SLC4A8: variants seen among roughly 807,000 people sequenced by gnomAD.
SLC4A8 encodes the protein electroneutral sodium bicarbonate exchanger 1.
A neutral mutation model predicts 125.0 loss-of-function variants in SLC4A8; 40 were observed. That is an observed-to-expected ratio of 0.32 (90% CI 0.25 to 0.42). SLC4A8 has a LOEUF of 0.42. Ranked by LOEUF, SLC4A8 falls within the 10% of genes least tolerant of loss-of-function variation. The pLI is 1.00. For synonymous variants in SLC4A8, 456 were observed against 476.0 expected (o/e 0.96, Z 0.55); for missense variants, 863 against 1,355.1 (o/e 0.64, Z 5.70).
At chr12:51,408,952 TA>T (rs546760549) in intron 1 of SLC4A8, among the ~76,000 whole-genome samples, 2 of 152,106 alleles carry the variant, frequency 1.3e-5, no homozygotes, top group Non-Finnish European at 2.9e-5. Context: ...GCCCATTAAT[TA>T]AAAAAACCCT....
chr12:51,396,925 ATT>A (rs753146267), intron 1 of SLC4A8, among the ~76,000 whole-genome samples: 3 of 106,306 alleles, frequency 2.8e-5, no homozygotes, highest in African/African-American at 7.4e-5. Flanking sequence ...GCCTTAGTTA[ATT>A]TTTTTTTTTT....
intron 2 of SLC4A8, among the ~76,000 whole-genome samples, chr12:51,445,532 T>C (rs1017312590): frequency 1.1e-4 from 16 of 152,158 alleles, no homozygotes; most frequent in African/African-American, 3.9e-4. Context: ...GACCTGCCCC[T>C]GCCTGTTTTT....
At chr12:51,495,470 C>CTTTTTT (rs3028942) in intron 21 of SLC4A8, among the ~76,000 whole-genome samples, 103 of 76,240 alleles carry the variant, frequency 1.4e-3, no homozygotes, top group South Asian at 2.4e-3. Flanking sequence ...TTTCTTTCTT[C>CTTTTTT]TTTTTTTTTT....
intron 1 of SLC4A8, among the ~76,000 whole-genome samples, chr12:51,419,519 C>T (rs1662354852): frequency 6.6e-6 from 1 of 152,190 alleles, no homozygotes; most frequent in African/African-American, 2.4e-5. Flanking sequence ...GCTCTTGTAT[C>T]AAGGACTTGG....
At chr12:51,452,658 G>C (rs558168330) in intron 4 of SLC4A8, among the ~76,000 whole-genome samples, 1 of 152,278 alleles carries the variant, frequency 6.6e-6, no homozygotes, top group South Asian at 2.1e-4. Context: ...TGAACCACAG[G>C]GTTCAAATTC....
chr12:51,421,520 A>C (rs1425150541), upstream of SLC4A8, among the ~76,000 whole-genome samples: 2 of 152,184 alleles, frequency 1.3e-5, no homozygotes, highest in Non-Finnish European at 2.9e-5. Flanking sequence ...TTTGTACTGG[A>C]GAGAAGTCAG....
At chr12:51,488,571 C>CTTTTT in intron 17 of SLC4A8, 128 bp from the exon 18 acceptor site, 1 of 507,876 alleles carries the variant, frequency 2.0e-6, no homozygotes, top group Non-Finnish European at 3.3e-6. Context: ...TATTTCATGC[C>CTTTTT]TTTTTTTTTT....
At chr12:51,475,731 T>C (rs1950836106) in intron 16 of SLC4A8, among the ~76,000 whole-genome samples, 2 of 152,216 alleles carry the variant, frequency 1.3e-5, no homozygotes, top group Non-Finnish European at 1.5e-5. Context: ...ATGATGCAGA[T>C]AGCATTGTTT....
chr12:51,478,041 C>T (rs778693079), intron 16 of SLC4A8, among the ~76,000 whole-genome samples: 19 of 151,968 alleles, frequency 1.3e-4, no homozygotes, highest in Non-Finnish European at 2.2e-4. Flanking sequence ...CTTGGGAGGC[C>T]GAGATGGGCA....
At chr12:51,448,514 T>A in intron 2 of SLC4A8, among the ~76,000 whole-genome samples, 1 of 152,126 alleles carries the variant, frequency 6.6e-6, no homozygotes, top group Non-Finnish European at 1.5e-5. Flanking sequence ...CAGAAGAGTG[T>A]TTAGCACTAA....
At chr12:51,470,260 A>C in intron 12 of SLC4A8, 132 bp from the exon 13 acceptor site, 1 of 757,990 alleles carries the variant, frequency 1.3e-6, no homozygotes. Flanking sequence ...TGTACACATC[A>C]CTCTTGCTAA....
At chr12:51,425,503 G>C in intron 1 of SLC4A8, 1 of 886,514 alleles carries the variant, frequency 1.1e-6, no homozygotes, top group Non-Finnish European at 1.4e-6. Flanking sequence ...GACTCTGGAG[G>C]CTGGGACCAA....
At chr12:51,445,537 G>A (rs1331941744) in intron 2 of SLC4A8, among the ~76,000 whole-genome samples, 1 of 152,088 alleles carries the variant, frequency 6.6e-6, no homozygotes, top group Non-Finnish European at 1.5e-5. Context: ...GCCCCTGCCT[G>A]TTTTTCTGTC....
rs184554647 is a variant in SLC4A8, at chr12:51,408,634, G to A, written c.-112+17146G>A. 3.3e-3 allele frequency among the ~76,000 whole-genome samples: 501 copies of A among 152,330 alleles called. 1 individual carries two copies. Among genetic ancestry groups the A allele is most frequent in the African/African-American group, 0.011 (472 of 41,566 alleles). Reference sequence around the variant, plus strand: ...GGTGCTGCTCAGGGGCGACAGCGCAGGAGCATGGTGTTCACCTCTTTCTGC... The same window carrying A: ...GGTGCTGCTCAGGGGCGACAGCGCAAGAGCATGGTGTTCACCTCTTTCTGC... On this transcript the variant is annotated intron_variant, in intron 1 of 24. Transcript: ENST00000358657.
intron 5 of SLC4A8, among the ~76,000 whole-genome samples, chr12:51,454,240 T>A (rs1371363209): frequency 6.6e-6 from 1 of 152,106 alleles, no homozygotes; most frequent in Non-Finnish European, 1.5e-5. Flanking sequence ...AAGGCTGCGG[T>A]GAGTCAAGAT....
intron 1 of SLC4A8, among the ~76,000 whole-genome samples, chr12:51,417,350 AT>A (rs753191543): frequency 2.0e-3 from 285 of 142,960 alleles, no homozygotes; most frequent in Admixed American, 2.3e-3. Flanking sequence ...TAGTTTTTGA[AT>A]TTTTTTTTTT....
At position 51,491,102 on chromosome 12, in the gene SLC4A8, T is replaced by C. The variant is rs189937810; in HGVS notation, c.2700+1151T>C. Among the ~76,000 whole-genome samples, 502 of 152,168 alleles carry C rather than the reference T, an allele frequency of 3.3e-3. 1 individual carries two copies. The highest frequency in any genetic ancestry group is 0.011 in the African/African-American group (473 of 41,484). ...TCTGACTTGACCATCTGGTGGAGTG[T>C]GATGGCATTTATTAAGATGGAAAAG... On this transcript the variant is annotated intron_variant, in intron 19 of 24. Transcript: ENST00000453097.
intron 1 of SLC4A8, among the ~76,000 whole-genome samples, chr12:51,425,689 C>T (rs1948948440): frequency 6.6e-6 from 1 of 152,074 alleles, no homozygotes; most frequent in Non-Finnish European, 1.5e-5. Flanking sequence ...ACTGTTGGGG[C>T]GGCTAATGTA....
chr12:51,425,554 A>G (rs2138031808), intron 1 of SLC4A8: 1 of 467,676 alleles, frequency 2.1e-6, no homozygotes, highest in East Asian at 1.5e-4. Flanking sequence ...CCTCTGCCCC[A>G]TTGAACAGAC....
Sources: gnomAD v4.1 joint callset for allele counts (sites outside exome capture counted in the v4.1 genomes callset) on GRCh38, gnomAD v4.1.1 for gene constraint, MANE v1.5 for transcripts, NCBI Gene and HGNC (gene_info 2026-07-23, HGNC 2026-07-21) for gene names.